SARNP: variants seen among roughly 807,000 people sequenced by gnomAD.
The protein encoded by SARNP is SAP domain containing ribonucleoprotein.
A neutral mutation model predicts 38.1 loss-of-function variants in SARNP; 5 were observed. The ratio of observed to expected loss-of-function variants is 0.13; its 90% CI spans 0.07 to 0.28. The LOEUF is 0.28. SARNP is among the 10% of genes least tolerant of loss of function. The pLI, the probability that SARNP is intolerant of heterozygous loss-of-function variation, is 1.00. For missense variants in SARNP, 180 were observed against 243.9 expected (o/e 0.74, Z 1.75); for synonymous variants, 84 against 80.6 (o/e 1.04, Z -0.23).
chr12:55,795,102 G>C (rs1348407633), intron 5 of SARNP, among the ~76,000 whole-genome samples: 1 of 151,938 alleles, frequency 6.6e-6, no homozygotes, highest in Non-Finnish European at 1.5e-5. Context: ...TGGGATTACA[G>C]GACTGTGCCA....
chr12:55,800,299 C>G (rs913548466), intron 4 of SARNP, among the ~76,000 whole-genome samples: 3 of 152,052 alleles, frequency 2.0e-5, no homozygotes, highest in African/African-American at 7.2e-5. Context: ...TACAAAAGAA[C>G]AACAAAGGCT....
chr12:55,775,543 AAAAAAC>A (rs1565673931), intron 9 of SARNP, among the ~76,000 whole-genome samples: 2 of 145,076 alleles, frequency 1.4e-5, no homozygotes, highest in Non-Finnish European at 3.0e-5. Flanking sequence ...AAAAAAAAAC[AAAAAAC>A]AAAAACAAAA....
intron 9 of SARNP, among the ~76,000 whole-genome samples, chr12:55,765,572 C>T (rs1387016820): frequency 1.3e-5 from 2 of 151,670 alleles, no homozygotes; most frequent in Admixed American, 6.6e-5. Flanking sequence ...TTCAAACTCC[C>T]GGACTCAAGC....
chr12:55,794,206 A>G (rs1187938571), intron 7 of SARNP, 153 bp downstream of exon 7: 6 of 711,644 alleles, frequency 8.4e-6, no homozygotes, highest in East Asian at 7.9e-5. Flanking sequence ...AGGCCTAAGT[A>G]TAATTTTACC....
chr12:55,756,214 G>C (rs1192436075), downstream of SARNP: 1 of 152,188 alleles, frequency 6.6e-6, no homozygotes, highest in East Asian at 1.9e-4. Context: ...AGGTTTATTT[G>C]GTTGAAGAGG....
At chr12:55,767,247 G>T (rs972696470) in intron 9 of SARNP, among the ~76,000 whole-genome samples, 9 of 152,082 alleles carry the variant, frequency 5.9e-5, no homozygotes, top group Non-Finnish European at 1.2e-4. Context: ...TTCTAGATAA[G>T]AAGTGAAATC....
chr12:55,760,267 G>A (rs1362433084), intron 10 of SARNP, among the ~76,000 whole-genome samples: 1 of 152,038 alleles, frequency 6.6e-6, no homozygotes, highest in African/African-American at 2.4e-5. Context: ...TTTGGGAGCT[G>A]AGTGCAGAGG....
intron 3 of SARNP, 74 bp from the exon 4 acceptor site, chr12:55,800,703 C>T (rs1879955443): frequency 1.5e-6 from 2 of 1,369,360 alleles, no homozygotes; most frequent in Non-Finnish European, 2.1e-6. Flanking sequence ...AACATCAGAA[C>T]TCCAAAATAA....
At chr12:55,789,409 C>A (rs894320647) in intron 8 of SARNP, among the ~76,000 whole-genome samples, 41 of 152,164 alleles carry the variant, frequency 2.7e-4, no homozygotes, top group Admixed American at 2.4e-3. Flanking sequence ...GGAAGCCAAA[C>A]ACTGCCAGGG....
intron 9 of SARNP, among the ~76,000 whole-genome samples, chr12:55,773,069 G>C (rs147245674): frequency 9.9e-4 from 151 of 152,304 alleles, no homozygotes; most frequent in Middle Eastern, 3.4e-3. Flanking sequence ...AAAACATACA[G>C]AGAAGGGAGG....
chr12:55,788,374 T>C (rs77610467), intron 9 of SARNP, among the ~76,000 whole-genome samples: 1 of 152,232 alleles, frequency 6.6e-6, no homozygotes, highest in Non-Finnish European at 1.5e-5. Flanking sequence ...TATTTCTAAG[T>C]ACTTCTGACC....
chr12:55,774,883 GTTTTTT>G (rs367957447), intron 9 of SARNP, among the ~76,000 whole-genome samples: 6 of 110,746 alleles, frequency 5.4e-5, no homozygotes, highest in Admixed American at 2.1e-4. Flanking sequence ...ATTTCTATTT[GTTTTTT>G]TTTTTTTTTT....
At chr12:55,795,642 TG>T (rs747142933) in intron 5 of SARNP, among the ~76,000 whole-genome samples, 2 of 152,186 alleles carry the variant, frequency 1.3e-5, no homozygotes, top group Non-Finnish European at 2.9e-5. Flanking sequence ...AAATGGAACC[TG>T]GTTTCACAGT....
chr12:55,774,380 T>TCCTCTATACC (rs1879099350), intron 9 of SARNP, among the ~76,000 whole-genome samples: 1 of 151,694 alleles, frequency 6.6e-6, no homozygotes, highest in African/African-American at 2.4e-5. Context: ...TGTAACTGAC[T>TCCTCTATACC]CCTCTATACC....
intron 1 of SARNP, among the ~76,000 whole-genome samples, chr12:55,807,427 T>C (rs1177053381): frequency 6.6e-6 from 1 of 151,930 alleles, no homozygotes; most frequent in Non-Finnish European, 1.5e-5. Context: ...TCCAGCCCCT[T>C]GTGAGGCCAA....
chr12:55,817,655 A>G lies in SARNP; in HGVS notation c.36+11T>C, dbSNP rs1428239167. On this transcript the variant is annotated intron_variant, in intron 1 of 10. Transcript: ENST00000336133. ...AAAAGTCCAACTCAGCCCTTCCCCG[A>G]TTCACGGTACCTTTAGCTTATGGAG... 1 of 1,610,546 alleles carries G rather than the reference A, an allele frequency of 6.2e-7. No homozygotes were observed. Among genetic ancestry groups the G allele is most frequent in the Non-Finnish European group, 8.5e-7 (1 of 1,178,492 alleles).
chr12:55,809,001 G>A (rs1297637544), intron 1 of SARNP, among the ~76,000 whole-genome samples: 1 of 152,118 alleles, frequency 6.6e-6, no homozygotes, highest in African/African-American at 2.4e-5. Context: ...GAGTCCAGGA[G>A]TTCGAGACCA....
At position 55,798,048 on chromosome 12, in the gene SARNP, ATCT is replaced by A. The variant is rs568872650; in HGVS notation, c.252-1975_252-1973del. Among the ~76,000 whole-genome samples, 23 of 152,300 alleles carry A rather than the reference ATCT, an allele frequency of 1.5e-4. No individual in the cohort carries two copies. In the South Asian group the frequency reaches 3.9e-3, roughly 26 times the overall value. On this transcript the variant is annotated intron_variant, in intron 4 of 10. Coordinates refer to ENST00000336133, the MANE Select transcript of SARNP (RefSeq NM_033082.4). ...AGCCAATTATCATGGTATTCACTTG[ATCT>A]TCTTTCTTGTTCCAGAAATCCCCAT...
At chr12:55,796,124 C>G (rs899010365) in intron 4 of SARNP, 48 bp from the exon 5 acceptor site, 2 of 1,308,300 alleles carry the variant, frequency 1.5e-6, no homozygotes, top group Non-Finnish European at 1.1e-6. Context: ...ATATTCTAAA[C>G]CACAACCTCA....
Sources: gnomAD v4.1 joint callset for allele counts (sites outside exome capture counted in the v4.1 genomes callset) on GRCh38, gnomAD v4.1.1 for gene constraint, MANE v1.5 for transcripts, NCBI Gene and HGNC (gene_info 2026-07-23, HGNC 2026-07-21) for gene names.